Variants in ELAPOR1 observed in about 807,000 individuals in gnomAD.
The protein encoded by ELAPOR1 is endosome/lysosome-associated apoptosis and autophagy regulator 1.
In ELAPOR1, 77 loss-of-function variants were observed where a neutral mutation model predicts 119.7. The ratio of observed to expected loss-of-function variants is 0.64; its 90% CI spans 0.54 to 0.78. The LOEUF is 0.78. Ranked by LOEUF, ELAPOR1 falls within the 30% of genes least tolerant of loss-of-function variation. The pLI, the probability that ELAPOR1 is intolerant of heterozygous loss-of-function variation, is 0.00. For synonymous variants in ELAPOR1, 481 were observed against 487.2 expected, an observed-to-expected ratio of 0.99 and a Z score of 0.17; for missense variants, 1,115 against 1,270.4, an observed-to-expected ratio of 0.88 and a Z score of 1.86.
chr1:109,183,337 AAAAAAAAAAAACAAAAAAAAGAG>A (rs1011176842), intron 7 of ELAPOR1, among the ~76,000 whole-genome samples: 1 of 46,226 alleles, frequency 2.2e-5, no homozygotes, highest in African/African-American at 5.2e-5. Flanking sequence ...CCAAAAAAAA[AAAAAAAAAAAACAAAAAAAAGAG>A]AGAGAGAGAG....
intron 8 of ELAPOR1, chr1:109,187,518 G>A: frequency 1.0e-6 from 1 of 1,000,866 alleles, no homozygotes; most frequent in Non-Finnish European, 1.2e-6. Context: ...CAACCTATAA[G>A]GGCACGTTTT....
At chr1:109,178,407 C>G (rs1652483803) in intron 7 of ELAPOR1, among the ~76,000 whole-genome samples, 1 of 152,168 alleles carries the variant, frequency 6.6e-6, no homozygotes, top group East Asian at 1.9e-4. Flanking sequence ...TTGACTCTTC[C>G]AGAATACAGG....
Position 109,206,774 on chromosome 1 carries a change from C to A in ELAPOR1, c.*3762C>A, listed in dbSNP as rs1224379518. 2.0e-5 allele frequency: 3 copies of A among 150,968 alleles called. No individual in the cohort carries two copies. The highest frequency in any genetic ancestry group is 1.5e-5 in the Non-Finnish European group (1 of 67,808). The allele number at this position is 150,968 out of a possible 1,614,324, so 9.4% of individuals were successfully genotyped here. A position where few individuals can be genotyped will look rare whatever the true frequency, so the allele number is the denominator to read the frequency against. On this transcript the variant is annotated 3_prime_UTR_variant, in exon 22 of 22. Transcript: ENST00000369939. Reference sequence around the variant, plus strand: ...TTTTTTTTTGTAAAATAAAAACATACCTTACAAGTTGTTTTTCTTAAACAT... The same window carrying A: ...TTTTTTTTTGTAAAATAAAAACATAACTTACAAGTTGTTTTTCTTAAACAT...
At position 109,192,807 on chromosome 1, in the gene ELAPOR1, T is replaced by C; in HGVS notation, c.1880T>C (p.Leu627Pro). Residue 627 changes from leucine to proline, a missense_variant, in exon 14 of 22, where the codon CTG becomes CCG. Leu to Pro is a moderately conservative substitution (Grantham distance 98). Transcript: ENST00000369939. Reference protein sequence around the residue: ...TCHSCPTNTILKAHQPYGVQA... With the variant: ...TCHSCPTNTIPKAHQPYGVQA... ...CACTCCTGCCCCACTAACACAATTC[T>C]GAAAGCCCACCAGCCTTATGGTGTC... 6.2e-7 allele frequency: 1 copy of C among 1,614,048 alleles called. No individual in the cohort carries two copies. The highest frequency in any genetic ancestry group is 8.5e-7 in the Non-Finnish European group (1 of 1,180,024).
intron 1 of ELAPOR1, among the ~76,000 whole-genome samples, chr1:109,125,763 A>T (rs1240726626): frequency 6.6e-6 from 1 of 152,242 alleles, no homozygotes. Context: ...ATCTTCATAC[A>T]TAAAAACACA....
At chr1:109,161,806 G>T in intron 1 of ELAPOR1, 88 bp from the exon 2 acceptor site, 1 of 1,472,496 alleles carries the variant, frequency 6.8e-7, no homozygotes, top group South Asian at 1.3e-5. Context: ...ATGAGCATCA[G>T]TAGCCATGGT....
At chr1:109,172,433 G>T in intron 4 of ELAPOR1, 55 bp from the exon 5 acceptor site, 1 of 1,303,746 alleles carries the variant, frequency 7.7e-7, no homozygotes, top group South Asian at 1.2e-5. Context: ...TGTGGGGAAA[G>T]GTATCCATTT....
chr1:109,169,308 C>T (rs868601398), intron 3 of ELAPOR1, among the ~76,000 whole-genome samples: 1 of 152,288 alleles, frequency 6.6e-6, no homozygotes, highest in South Asian at 2.1e-4. Flanking sequence ...GGCACAATCT[C>T]GGCTCACTGC....
intron 5 of ELAPOR1, 120 bp from the exon 6 acceptor site, chr1:109,173,354 G>A (rs746635305): frequency 9.0e-6 from 7 of 781,482 alleles, no homozygotes; most frequent in African/African-American, 3.4e-5. Context: ...AGGAGGAAGA[G>A]GGTCAGAAGA....
At chr1:109,182,765 G>T (rs1178032678) in intron 7 of ELAPOR1, among the ~76,000 whole-genome samples, 1 of 151,952 alleles carries the variant, frequency 6.6e-6, no homozygotes, top group African/African-American at 2.4e-5. Context: ...TACTTGGAAG[G>T]CTGAGGCAGG....
Position 109,202,971 on chromosome 1 carries a change from C to A in ELAPOR1, c.3001C>A (p.Pro1001Thr), listed in dbSNP as rs748105344. The change falls in exon 22 of 22, where the codon CCG becomes ACG. Residue 1001 changes from proline to threonine, a missense_variant. Physicochemically the swap from Pro to Thr is conservative, Grantham distance 38. Transcript: ENST00000369939. ...GACTCCTGATGGATTTGACTCAGTG[C>A]CGCTGAAGACATCCTCAGGAGGCCT... ...KRTPDGFDSV[P>T]LKTSSGGLDM... 1 of 1,613,666 alleles carries A rather than the reference C, an allele frequency of 6.2e-7. No homozygotes were observed. Among genetic ancestry groups the A allele is most frequent in the African/African-American group, 1.3e-5 (1 of 75,034 alleles).
intron 7 of ELAPOR1, among the ~76,000 whole-genome samples, chr1:109,178,835 C>A (rs1652509324): frequency 6.6e-6 from 1 of 152,020 alleles, no homozygotes; most frequent in Non-Finnish European, 1.5e-5. Flanking sequence ...TGTGGTGGCG[C>A]ACGCCTGTAA....
At chr1:109,173,164 C>G (rs1026115060) in intron 5 of ELAPOR1, among the ~76,000 whole-genome samples, 2 of 150,118 alleles carry the variant, frequency 1.3e-5, no homozygotes, top group Admixed American at 6.6e-5. Flanking sequence ...TGCAAAACCA[C>G]AGAAGAATGA....
rs2359245 is a variant in ELAPOR1 at position 109,194,468 on chromosome 1, G to A, written c.1995G>A (p.Pro665=). The A allele has an allele frequency of 0.76, 1,227,297 of 1,611,922 alleles. 476,261 individuals are homozygous for A. Among genetic ancestry groups the A allele is most frequent in the East Asian group, 0.98 (43,876 of 44,858 alleles). ...ATTGCACCTTCTCACGCAACACTCC[G>A]ACCAGGACTTTCAACTACAACTTCT... is the stretch of plus-strand genomic sequence containing the variant. ...YNDCTFSRNT[P]TRTFNYNFSA... The change falls in exon 15 of 22, where the codon CCG becomes CCA. Residue 665 remains proline (P), a synonymous_variant. Transcript: ENST00000369939.
intron 1 of ELAPOR1, among the ~76,000 whole-genome samples, chr1:109,124,692 C>T (rs6686909): frequency 8.5e-5 from 13 of 152,094 alleles, no homozygotes; most frequent in Admixed American, 2.0e-4. Context: ...CCTTGCACAC[C>T]GTCACCTTTT....
intron 3 of ELAPOR1, among the ~76,000 whole-genome samples, chr1:109,165,168 C>T (rs1651506624): frequency 6.6e-6 from 1 of 151,946 alleles, no homozygotes; most frequent in South Asian, 2.1e-4. Flanking sequence ...GGTGCATGTC[C>T]GTAGTCCCAG....
chr1:109,165,324 C>T (rs905409444), intron 3 of ELAPOR1, among the ~76,000 whole-genome samples: 4 of 152,134 alleles, frequency 2.6e-5, no homozygotes, highest in Admixed American at 1.3e-4. Flanking sequence ...CGGTGGCTCA[C>T]GCCTGTAATC....
In ELAPOR1 at chr1:109,203,074, A is replaced by AT. The variant is rs1331397097; in HGVS notation, c.*65dup. The AT allele has an allele frequency of 8.6e-7, 1 of 1,162,406 alleles. No individual in the cohort carries two copies. The highest frequency in any genetic ancestry group is 2.0e-5 in the Admixed American group (1 of 51,034). 72.0% of individuals were successfully genotyped at this position (1,162,406 alleles called of 1,614,324 possible). A position where few individuals can be genotyped will look rare whatever the true frequency, so the allele number is the denominator to read the frequency against. ...ATAGCACCTTTGCAAGCCTGCGGCGATTTGGGTGCCAGCATCCTGCAACAC... is the reference window on the plus strand; with the variant it reads ...ATAGCACCTTTGCAAGCCTGCGGCGATTTTGGGTGCCAGCATCCTGCAACAC... On this transcript the variant is annotated 3_prime_UTR_variant, in exon 22 of 22. Transcript: ENST00000369939.
chr1:109,161,844 T>A (rs777670923), intron 1 of ELAPOR1, 50 bp from the exon 2 acceptor site: 4 of 1,572,842 alleles, frequency 2.5e-6, no homozygotes, highest in East Asian at 4.6e-5. Flanking sequence ...AAGCTGTTAA[T>A]GTTTGATCAC....
Sources: gnomAD v4.1 joint callset for allele counts (sites outside exome capture counted in the v4.1 genomes callset) on GRCh38, gnomAD v4.1.1 for gene constraint, MANE v1.5 for transcripts, NCBI Gene and HGNC (gene_info 2026-07-23, HGNC 2026-07-21) for gene names.